TENM2: variants seen among roughly 807,000 people sequenced by gnomAD.
TENM2 encodes teneurin transmembrane protein 2.
A neutral mutation model predicts 245.2 loss-of-function variants in TENM2; 52 were observed. That is an observed-to-expected ratio of 0.21 (90% confidence interval 0.17 to 0.27). The LOEUF (loss-of-function observed/expected upper bound fraction) is 0.27. TENM2 is among the 10% of genes least tolerant of loss of function. The pLI, the probability that TENM2 is intolerant of heterozygous loss-of-function variation, is 1.00. For synonymous variants in TENM2, 1,363 were observed against 1,438.9 expected, an observed-to-expected ratio of 0.95 and a Z score of 1.19; for missense variants, 3,046 against 3,666.8, an observed-to-expected ratio of 0.83 and a Z score of 4.37.
chr5:167,318,427 CA>C (rs1359926702), intron 1 of TENM2, among the ~76,000 whole-genome samples: 3 of 149,558 alleles, frequency 2.0e-5, no homozygotes, highest in African/African-American at 7.5e-5. Context: ...TGAAGTTGTT[CA>C]TTTTTTTTTT....
intron 2 of TENM2, chr5:167,660,013 A>G (rs1755101136): frequency 6.6e-6 from 1 of 152,174 alleles, no homozygotes; most frequent in Non-Finnish European, 1.5e-5. Context: ...ACAGTTAATT[A>G]TATGATGTAT....
chr5:167,025,502 C>G, the TENM2 span, among the ~76,000 whole-genome samples: 1 of 152,136 alleles, frequency 6.6e-6, no homozygotes, highest in Non-Finnish European at 1.5e-5. Context: ...AAATTAAAAA[C>G]TAAGTTCCTT....
chr5:168,040,096 T>G (rs1262167572), intron 5 of TENM2, among the ~76,000 whole-genome samples: 2 of 152,190 alleles, frequency 1.3e-5, no homozygotes, highest in African/African-American at 2.4e-5. Flanking sequence ...CACTGCTCCC[T>G]GATCCCAGAG....
At chr5:167,023,550 A>G in the TENM2 span, among the ~76,000 whole-genome samples, 23 of 152,352 alleles carry the variant, frequency 1.5e-4, no homozygotes, top group African/African-American at 5.0e-4. Context: ...GGTAAAATGC[A>G]TCTAATAAAA....
At chr5:168,188,907 A>G (rs1044326004) in intron 13 of TENM2, among the ~76,000 whole-genome samples, 1 of 152,182 alleles carries the variant, frequency 6.6e-6, no homozygotes, top group African/African-American at 2.4e-5. Flanking sequence ...TGTCTTGGTC[A>G]GTTTGGGCTG....
At chr5:167,902,564 A>G (rs1207887056) in intron 3 of TENM2, among the ~76,000 whole-genome samples, 1 of 152,146 alleles carries the variant, frequency 6.6e-6, no homozygotes, top group Non-Finnish European at 1.5e-5. Context: ...AATCCGTCCT[A>G]TGGAGTTACC....
intron 21 of TENM2, 76 bp from the exon 24 acceptor site, chr5:168,216,692 G>A: frequency 2.1e-6 from 3 of 1,417,672 alleles, no homozygotes; most frequent in Non-Finnish European, 1.0e-6. Flanking sequence ...GCTCAGCAAG[G>A]CATCTCATCT....
At chr5:167,755,223 G>A in intron 2 of TENM2, 2 of 1,545,078 alleles carry the variant, frequency 1.3e-6, no homozygotes, top group Admixed American at 1.7e-5. Flanking sequence ...TGCAGATGGG[G>A]TTTTGCAAGC....
intron 12 of TENM2, among the ~76,000 whole-genome samples, chr5:168,141,144 C>G (rs1323627887): frequency 1.3e-5 from 2 of 152,076 alleles, no homozygotes; most frequent in Non-Finnish European, 2.9e-5. Flanking sequence ...AGGCATGACC[C>G]AGAGAGAAGA....
chr5:167,110,101 G>A, the TENM2 span, among the ~76,000 whole-genome samples: 2 of 152,164 alleles, frequency 1.3e-5, no homozygotes, highest in Non-Finnish European at 2.9e-5. Context: ...GCAGGGTGCA[G>A]GGGTGGGGAG....
chr5:167,134,439 T>A, the TENM2 span, among the ~76,000 whole-genome samples: 1 of 152,006 alleles, frequency 6.6e-6, no homozygotes, highest in South Asian at 2.1e-4. Context: ...CTTCTCTAAC[T>A]AGGCGATTGT....
At chr5:168,038,233 A>G (rs963078717) in intron 5 of TENM2, among the ~76,000 whole-genome samples, 1 of 152,234 alleles carries the variant, frequency 6.6e-6, no homozygotes, top group Non-Finnish European at 1.5e-5. Context: ...AGCCTGGCAC[A>G]TGCAAAGGAC....
intron 2 of TENM2, among the ~76,000 whole-genome samples, chr5:167,572,418 T>C (rs868048361): frequency 3.3e-5 from 5 of 152,232 alleles, no homozygotes; most frequent in South Asian, 4.1e-4. Flanking sequence ...TCTAAAATGA[T>C]AATTGTTATA....
intron 2 of TENM2, among the ~76,000 whole-genome samples, chr5:167,623,707 T>G (rs1381773649): frequency 1.3e-5 from 2 of 152,222 alleles, no homozygotes; most frequent in Non-Finnish European, 2.9e-5. Context: ...GTTGTTCTGT[T>G]TGCACAACTG....
At chr5:167,932,489 T>C (rs891498157) in intron 3 of TENM2, among the ~76,000 whole-genome samples, 4 of 152,176 alleles carry the variant, frequency 2.6e-5, no homozygotes, top group African/African-American at 7.2e-5. Flanking sequence ...TTGTCCATGG[T>C]CAACACTAAT....
At chr5:167,528,566 C>T (rs1004730820) in intron 2 of TENM2, among the ~76,000 whole-genome samples, 7 of 152,102 alleles carry the variant, frequency 4.6e-5, no homozygotes, top group Non-Finnish European at 7.4e-5. Flanking sequence ...TAGTATCTGC[C>T]ACATACTAAG....
chr5:167,647,754 C>T (rs78036478), intron 2 of TENM2, among the ~76,000 whole-genome samples: 1,741 of 152,252 alleles, frequency 0.011, 21 homozygotes, highest in East Asian at 0.061. Context: ...CCTGGAGGTG[C>T]CCCATGATCT....
chr5:167,449,681 GGT>G (rs1765460453), intron 2 of TENM2, among the ~76,000 whole-genome samples: 3 of 151,266 alleles, frequency 2.0e-5, no homozygotes, highest in South Asian at 4.1e-4. Flanking sequence ...AATGGGGCCA[GGT>G]GCAGTGGCTC....
the TENM2 span, among the ~76,000 whole-genome samples, chr5:167,003,157 T>G: frequency 6.6e-6 from 1 of 152,162 alleles, no homozygotes; most frequent in East Asian, 1.9e-4. Context: ...TTGGTTTACT[T>G]TAAACCATGC....
Sources: allele counts gnomAD v4.1 joint callset (sites outside exome capture counted in the v4.1 genomes callset), GRCh38; gene constraint gnomAD v4.1.1; transcripts MANE v1.5; gene names NCBI Gene and HGNC (gene_info 2026-07-23, HGNC 2026-07-21).